The following TASP1 variants were observed in gnomAD, a reference collection of about 807,000 sequenced individuals.
TASP1 encodes threonine aspartase 1.
Under a neutral mutation model 56.6 loss-of-function variants are expected in TASP1, and 16 were observed. That is an observed-to-expected ratio of 0.28 (90% CI 0.19 to 0.43). The LOEUF (loss-of-function observed/expected upper bound fraction) is 0.43. Ranked by LOEUF, TASP1 falls within the 20% of genes least tolerant of loss-of-function variation. The pLI, the probability that TASP1 is intolerant of heterozygous loss-of-function variation, is 1.00. For synonymous variants in TASP1, 179 were observed against 184.2 expected (o/e 0.97, Z 0.23); for missense variants, 393 against 511.6 (o/e 0.77, Z 2.24).
At chr20:13,372,015 A>G in the TASP1 span, among the ~76,000 whole-genome samples, 29 of 152,298 alleles carry the variant, frequency 1.9e-4, 1 homozygote, top group South Asian at 5.6e-3. Flanking sequence ...ACCTTTTTAC[A>G]TTCAACTAAC....
At chr20:13,120,812 C>T in the TASP1 span, among the ~76,000 whole-genome samples, 1 of 152,202 alleles carries the variant, frequency 6.6e-6, no homozygotes, top group African/African-American at 2.4e-5. Flanking sequence ...AGGCTGTGAT[C>T]CCCACTTTCC....
At chr20:13,320,897 T>C in the TASP1 span, among the ~76,000 whole-genome samples, 15 of 152,198 alleles carry the variant, frequency 9.9e-5, no homozygotes, top group Admixed American at 7.9e-4. Context: ...CATGAGGTGA[T>C]GGTGGAAATC....
intron 4 of TASP1, among the ~76,000 whole-genome samples, chr20:13,587,759 A>G (rs2047361645): frequency 2.6e-5 from 4 of 152,042 alleles, no homozygotes; most frequent in African/African-American, 9.7e-5. Context: ...GGCATCTGAC[A>G]AAATCCAACA....
the TASP1 span, among the ~76,000 whole-genome samples, chr20:13,270,898 G>T: frequency 6.6e-6 from 1 of 152,158 alleles, no homozygotes; most frequent in Non-Finnish European, 1.5e-5. Flanking sequence ...GAACAGTGCT[G>T]CATTTCATTA....
At chr20:13,460,400 C>A (rs184222693) in intron 11 of TASP1, among the ~76,000 whole-genome samples, 1 of 152,122 alleles carries the variant, frequency 6.6e-6, no homozygotes, top group Non-Finnish European at 1.5e-5. Context: ...TCTTCAAGGT[C>A]TTCTTTTATC....
chr20:13,358,996 A>G, the TASP1 span, among the ~76,000 whole-genome samples: 1 of 146,922 alleles, frequency 6.8e-6, no homozygotes, highest in Non-Finnish European at 1.5e-5. Flanking sequence ...AGGGTCAAGT[A>G]CCCCTCAACC....
chr20:13,393,359 T>A, intron 13 of TASP1: 1 of 746,086 alleles, frequency 1.3e-6, no homozygotes, highest in South Asian at 1.4e-5. Flanking sequence ...GGAAGCTCAA[T>A]GGCATGGCCT....
At position 13,410,110 on chromosome 20, in the gene TASP1, C is replaced by A. The variant is rs1306147553; in HGVS notation, c.1170+7338G>T. 2.0e-5 allele frequency among the ~76,000 whole-genome samples: 3 copies of A among 152,294 alleles called. No homozygotes were observed. The East Asian group carries it at 5.8e-4, about 29-fold the overall frequency. On this transcript the variant is annotated intron_variant, in intron 13 of 13. Coordinates refer to ENST00000337743, the MANE Select transcript of TASP1 (RefSeq NM_017714.3). ...TCTGTGCCTGCCTTACTTCACTTAA[C>A]ATAATGACCTCCACTTCAATCCATG...
the TASP1 span, among the ~76,000 whole-genome samples, chr20:13,254,151 T>G: frequency 6.6e-6 from 1 of 151,704 alleles, no homozygotes; most frequent in African/African-American, 2.4e-5. Flanking sequence ...GAGAATCACT[T>G]GAGCCCAGGA....
chr20:13,622,796 A>G (rs2147527293), intron 4 of TASP1, among the ~76,000 whole-genome samples: 1 of 152,306 alleles, frequency 6.6e-6, no homozygotes, highest in African/African-American at 2.4e-5. Context: ...GATTGACACA[A>G]ATCTATCTTC....
At chr20:13,517,086 G>A (rs2044567928) in intron 10 of TASP1, among the ~76,000 whole-genome samples, 2 of 152,102 alleles carry the variant, frequency 1.3e-5, no homozygotes, top group Admixed American at 6.6e-5. Flanking sequence ...GCGCCACAGT[G>A]CATATTCCCT....
At chr20:13,378,467 A>G in the TASP1 span, among the ~76,000 whole-genome samples, 2 of 152,054 alleles carry the variant, frequency 1.3e-5, no homozygotes, top group Non-Finnish European at 2.9e-5. Context: ...ATTGTTTTGC[A>G]TTTGCTGAGG....
At chr20:13,221,368 G>C in the TASP1 span, among the ~76,000 whole-genome samples, 9 of 147,912 alleles carry the variant, frequency 6.1e-5, no homozygotes, top group African/African-American at 2.0e-4. Flanking sequence ...TCGGGGGCTC[G>C]GCTGCGCCCG....
chr20:13,156,881 G>T, the TASP1 span, among the ~76,000 whole-genome samples: 1 of 152,094 alleles, frequency 6.6e-6, no homozygotes, highest in Non-Finnish European at 1.5e-5. Flanking sequence ...ATTTTTGGTT[G>T]CATTACTCAA....
intron 8 of TASP1, among the ~76,000 whole-genome samples, chr20:13,551,090 GTGGCCAATTTGA>G (rs1164832552): frequency 6.6e-6 from 1 of 152,140 alleles, no homozygotes; most frequent in Admixed American, 6.5e-5. Context: ...TCTGAAACAT[GTGGCCAATTTGA>G]TGTCCCTATG....
chr20:13,621,978 G>C (rs2048732359), intron 4 of TASP1, among the ~76,000 whole-genome samples: 1 of 152,086 alleles, frequency 6.6e-6, no homozygotes, highest in Admixed American at 6.6e-5. Context: ...GGTAACATTT[G>C]GTGGTAAATA....
intron 13 of TASP1, among the ~76,000 whole-genome samples, chr20:13,417,157 C>T (rs995797867): frequency 6.6e-6 from 1 of 152,204 alleles, no homozygotes; most frequent in African/African-American, 2.4e-5. Context: ...ACCCCAGTTT[C>T]CTCTTCTCTA....
intron 13 of TASP1, among the ~76,000 whole-genome samples, chr20:13,415,291 C>T (rs773357467): frequency 3.9e-5 from 6 of 152,042 alleles, no homozygotes; most frequent in Non-Finnish European, 7.4e-5. Context: ...ATTGTTATAG[C>T]CCCTTTTCTC....
chr20:13,127,199 C>A, the TASP1 span, among the ~76,000 whole-genome samples: 1 of 152,230 alleles, frequency 6.6e-6, no homozygotes, highest in African/African-American at 2.4e-5. Flanking sequence ...CCAGCCATTT[C>A]TTTGTCAGTG....
Sources: allele counts gnomAD v4.1 joint callset (sites outside exome capture counted in the v4.1 genomes callset), GRCh38; gene constraint gnomAD v4.1.1; transcripts MANE v1.5; gene names NCBI Gene and HGNC (gene_info 2026-07-23, HGNC 2026-07-21).